The following RIN3 variants were observed in gnomAD, a reference collection of about 807,000 sequenced individuals.
The protein encoded by RIN3 is RAB5 interacting protein 3.
In RIN3, 54 loss-of-function variants were observed where a neutral mutation model predicts 76.3. The observed-to-expected ratio is 0.71, with a 90% confidence interval of 0.57 to 0.89. The LOEUF (loss-of-function observed/expected upper bound fraction) is 0.89. Among genes scored for constraint, RIN3 ranks in the 40% least tolerant of loss-of-function variants. The pLI, the probability that RIN3 is intolerant of heterozygous loss-of-function variation, is 0.00. For synonymous variants in RIN3, 576 were observed against 564.0 expected, an observed-to-expected ratio of 1.02 and a Z score of -0.30; for missense variants, 1,256 against 1,322.1, an observed-to-expected ratio of 0.95 and a Z score of 0.78.
At position 92,688,079 on chromosome 14, in the gene RIN3, G is replaced by A. The variant is rs368824511; in HGVS notation, c.2785G>A (p.Gly929Arg). 1.2e-6 allele frequency: 2 copies of A among 1,606,136 alleles called. No homozygotes were observed. Among genetic ancestry groups the A allele is most frequent in the South Asian group, 1.1e-5 (1 of 90,388 alleles). Residue 929 changes from glycine to arginine, a missense_variant, in exon 10 of 10, where the codon GGG becomes AGG. Physicochemically the swap from Gly to Arg is moderately radical, Grantham distance 125. Transcript: ENST00000216487. ...QAHRLFVLVD[G>R]RCFQLADDAL... Reference sequence around the variant, plus strand: ...GCACCGGCTGTTCGTGCTGGTGGACGGGCGCTGCTTCCAGCTGGCGGACGA... The same window carrying A: ...GCACCGGCTGTTCGTGCTGGTGGACAGGCGCTGCTTCCAGCTGGCGGACGA...
At chr14:92,641,008 G>A (rs1415421374) in intron 4 of RIN3, among the ~76,000 whole-genome samples, 5 of 152,062 alleles carry the variant, frequency 3.3e-5, no homozygotes, top group East Asian at 1.9e-4. Context: ...ACCCCGCCCC[G>A]CCACTCCTGA....
At chr14:92,680,551 T>G (rs1384069869) in intron 8 of RIN3, among the ~76,000 whole-genome samples, 1 of 152,148 alleles carries the variant, frequency 6.6e-6, no homozygotes, top group Non-Finnish European at 1.5e-5. Flanking sequence ...TCCACCCTCA[T>G]GACCTAATGA....
rs1888961237 is a variant in RIN3 at position 92,688,345 on chromosome 14, G to A, written c.*93G>A. 6.5e-6 allele frequency: 8 copies of A among 1,222,868 alleles called. No individual in the cohort carries two copies. Among genetic ancestry groups the A allele is most frequent in the Non-Finnish European group, 8.8e-6 (8 of 904,848 alleles). The allele number at this position is 1,222,868 out of a possible 1,614,324, so 75.8% of individuals were successfully genotyped here. A position where few individuals can be genotyped will look rare whatever the true frequency, so the allele number is the denominator to read the frequency against. On this transcript the variant is annotated 3_prime_UTR_variant, in exon 10 of 10. Coordinates refer to ENST00000216487, the MANE Select transcript of RIN3 (RefSeq NM_024832.5). Reference sequence around the variant, plus strand: ...CGACCGCGACGTCCACGCAGCAGAGGGACATGGGCCATTCCATGACGTGCC... The same window carrying A: ...CGACCGCGACGTCCACGCAGCAGAGAGACATGGGCCATTCCATGACGTGCC...
At chr14:92,584,359 G>A (rs57533370) in intron 3 of RIN3, among the ~76,000 whole-genome samples, 28,067 of 152,174 alleles carry the variant, frequency 0.18, 2,749 homozygotes, top group African/African-American at 0.22. Context: ...ACTCAGAGAA[G>A]GCAGGTGTCA....
At chr14:92,637,813 G>A (rs933028589) in intron 4 of RIN3, among the ~76,000 whole-genome samples, 3 of 152,110 alleles carry the variant, frequency 2.0e-5, no homozygotes, top group Admixed American at 6.5e-5. Context: ...CTGATTGAAA[G>A]TTTTGCCTTG....
chr14:92,666,000 A>G (rs1264330662), intron 7 of RIN3, among the ~76,000 whole-genome samples: 2 of 150,218 alleles, frequency 1.3e-5, no homozygotes, highest in Non-Finnish European at 2.9e-5. Context: ...GCTGTGAGTG[A>G]CCCCACAGAG....
At chr14:92,557,076 G>GTTGCATGC (rs1290981649) in intron 2 of RIN3, among the ~76,000 whole-genome samples, 1 of 152,082 alleles carries the variant, frequency 6.6e-6, no homozygotes, top group Non-Finnish European at 1.5e-5. Flanking sequence ...CCGAAGTCAC[G>GTTGCATGC]TTGCATGCGG....
In RIN3 at chr14:92,561,040, A is replaced by ATATATATAT. The variant is rs1306892381; in HGVS notation, c.249+5085_249+5086insTATATATAT. Among the ~76,000 whole-genome samples the ATATATATAT allele has an allele frequency of 4.5e-4, 7 of 15,438 alleles. 1 individual carries two copies. The highest frequency in any genetic ancestry group is 6.4e-4 in the African/African-American group (3 of 4,702). 10.1% of individuals were successfully genotyped at this position (15,438 alleles called of 152,430 possible). ...CTGTCTAAAAAAAAAAAAAAAAAAA[A>ATATATATAT]AAAAATATATATATATCTGCCATAT... On this transcript the variant is annotated intron_variant, in intron 2 of 9. Transcript: ENST00000216487.
At chr14:92,639,518 G>A (rs1271935082) in intron 4 of RIN3, among the ~76,000 whole-genome samples, 1 of 152,162 alleles carries the variant, frequency 6.6e-6, no homozygotes, top group African/African-American at 2.4e-5. Flanking sequence ...GCTGGAAAGG[G>A]GGTCCCCAGG....
At chr14:92,569,423 C>A (rs1204122881) in intron 2 of RIN3, among the ~76,000 whole-genome samples, 1 of 152,082 alleles carries the variant, frequency 6.6e-6, no homozygotes, top group African/African-American at 2.4e-5. Context: ...GTGTTGCCAC[C>A]CCCATTTATG....
chr14:92,531,545 G>C (rs1036660085), intron 1 of RIN3, among the ~76,000 whole-genome samples: 1 of 152,184 alleles, frequency 6.6e-6, no homozygotes, highest in African/African-American at 2.4e-5. Flanking sequence ...CCTGGCAGGC[G>C]GCCCCTGTCA....
chr14:92,520,880 T>A (rs1449683002), intron 1 of RIN3, among the ~76,000 whole-genome samples: 1 of 152,192 alleles, frequency 6.6e-6, no homozygotes, highest in African/African-American at 2.4e-5. Flanking sequence ...AGATTGATAA[T>A]GTAAATTTCT....
At chr14:92,661,427 T>TA (rs1300945400) in intron 7 of RIN3, among the ~76,000 whole-genome samples, 5 of 152,152 alleles carry the variant, frequency 3.3e-5, no homozygotes, top group Non-Finnish European at 7.3e-5. Context: ...GACCATGTGT[T>TA]AGAATTGTGC....
intron 4 of RIN3, among the ~76,000 whole-genome samples, chr14:92,632,099 C>T (rs1886607145): frequency 1.3e-5 from 2 of 152,160 alleles, no homozygotes; most frequent in Non-Finnish European, 2.9e-5. Context: ...GTGACCCCAA[C>T]CTCAGTCTGG....
rs749151594 is a variant in RIN3 at position 92,659,157 on chromosome 14, G to T, written c.2027-4G>T. 6 of 1,613,782 alleles carry T rather than the reference G, an allele frequency of 3.7e-6. No homozygotes were observed. The highest frequency in any genetic ancestry group is 5.1e-6 in the Non-Finnish European group (6 of 1,179,852). ...CTCACCCTCGCTCTCTTGTTTACCT[G>T]CAGAAGCAATTGTAGAGTCTGCCTT... On this transcript the variant is annotated splice_region_variant and splice_polypyrimidine_tract_variant and intron_variant, in intron 6 of 9. Transcript: ENST00000216487.
intron 2 of RIN3, among the ~76,000 whole-genome samples, chr14:92,560,969 C>T (rs1287022779): frequency 4.4e-5 from 6 of 135,862 alleles, no homozygotes; most frequent in East Asian, 2.1e-4. Flanking sequence ...TGCAGTGAGC[C>T]GAGATCGCAC....
At chr14:92,549,125 A>T (rs1214397153) in intron 1 of RIN3, among the ~76,000 whole-genome samples, 1 of 152,108 alleles carries the variant, frequency 6.6e-6, no homozygotes, top group African/African-American at 2.4e-5. Context: ...ACTGGCCCAA[A>T]AGCCCTCTAA....
At chr14:92,549,049 A>G (rs10131197) in intron 1 of RIN3, among the ~76,000 whole-genome samples, 43,259 of 151,918 alleles carry the variant, frequency 0.28, 6,703 homozygotes, top group Middle Eastern at 0.4. Context: ...CTGTGTACTC[A>G]TGGTGCTTTG....
At chr14:92,573,372 C>A (rs1176299912) in intron 2 of RIN3, among the ~76,000 whole-genome samples, 1 of 152,172 alleles carries the variant, frequency 6.6e-6, no homozygotes, top group Non-Finnish European at 1.5e-5. Flanking sequence ...ATCTTCCTCC[C>A]AGCACATCAG....
Sources: gnomAD v4.1 joint callset for allele counts (sites outside exome capture counted in the v4.1 genomes callset) on GRCh38, gnomAD v4.1.1 for gene constraint, MANE v1.5 for transcripts, NCBI Gene and HGNC (gene_info 2026-07-23, HGNC 2026-07-21) for gene names.